The following SRP54 variants were observed in gnomAD, a reference collection of about 807,000 sequenced individuals.
SRP54 encodes the protein signal recognition particle subunit SRP54.
In SRP54, 10 loss-of-function variants were observed where a neutral mutation model predicts 64.8. That is an observed-to-expected ratio of 0.15 (90% confidence interval 0.10 to 0.26). The LOEUF is 0.26. Ranked by LOEUF, SRP54 falls within the 10% of genes least tolerant of loss-of-function variation. SRP54 has a pLI of 1.00. For synonymous variants in SRP54, 193 were observed against 185.6 expected (o/e 1.04, Z -0.32); for missense variants, 325 against 613.7 (o/e 0.53, Z 4.97).
At chr14:35,023,787 A>AACACACACACACACACACACACAC (rs57037784) in intron 14 of SRP54, among the ~76,000 whole-genome samples, 2 of 140,268 alleles carry the variant, frequency 1.4e-5, no homozygotes, top group African/African-American at 5.3e-5. Context: ...CCGGTCCCCA[A>AACACACACACACACACACACACAC]ACACACACAC....
At position 35,029,294 on chromosome 14, in the gene SRP54, T is replaced by C; in HGVS notation, c.*142T>C. 1.9e-6 allele frequency: 1 copy of C among 523,520 alleles called. No individual in the cohort carries two copies. The allele number at this position is 523,520 out of a possible 1,614,324, so 32.4% of individuals were successfully genotyped here. ...CTTTCCTTTTCTTCTCGCCCGCTTT[T>C]CCCCTCCTTTTCTTTTTCCTTCCTT... On this transcript the variant is annotated 3_prime_UTR_variant, in exon 16 of 16. Transcript: ENST00000216774.
At chr14:34,987,763 ATATCT>A (rs1285471804) in intron 1 of SRP54, among the ~76,000 whole-genome samples, 11 of 152,144 alleles carry the variant, frequency 7.2e-5, no homozygotes, top group African/African-American at 1.4e-4. Context: ...TATTTGGATG[ATATCT>A]TATTAAGATT....
At chr14:35,014,290 T>TTTTTG (rs1555354850) in intron 10 of SRP54, among the ~76,000 whole-genome samples, 4 of 127,284 alleles carry the variant, frequency 3.1e-5, no homozygotes, top group African/African-American at 8.8e-5. Context: ...TTTTTTTTTT[T>TTTTTG]TTTTGAGACG....
intron 4 of SRP54, among the ~76,000 whole-genome samples, chr14:35,002,737 CTTTTTTTTTTT>C (rs71121258): frequency 1.1e-5 from 1 of 94,986 alleles, no homozygotes; most frequent in Non-Finnish European, 2.0e-5. Context: ...GCCTGGCCTC[CTTTTTTTTTTT>C]TTTTTTTTTT....
At chr14:35,020,379 CATTG>C (rs996983038) in intron 13 of SRP54, among the ~76,000 whole-genome samples, 3 of 152,062 alleles carry the variant, frequency 2.0e-5, no homozygotes, top group Non-Finnish European at 2.9e-5. Flanking sequence ...AAATTTGCCC[CATTG>C]ATTGACTCTT....
chr14:35,011,209 CTG>C (rs112015113), intron 7 of SRP54, among the ~76,000 whole-genome samples: 25,947 of 151,866 alleles, frequency 0.17, 2,369 homozygotes, highest in East Asian at 0.31. Context: ...GTGTGAAACA[CTG>C]TGAGCATGAG....
At position 34,994,203 on chromosome 14, in the gene SRP54, T is replaced by A. The variant is rs192075043; in HGVS notation, c.-33-2474T>A. Among the ~76,000 whole-genome samples the A allele has an allele frequency of 4.1e-4, 63 of 152,132 alleles. 1 individual carries two copies. The East Asian group carries it at 0.011, about 28-fold the overall frequency. On this transcript the variant is annotated intron_variant, in intron 1 of 15. Coordinates refer to ENST00000216774, the MANE Select transcript of SRP54 (RefSeq NM_003136.4). ...TAGTAGAGATAGGGTTTTGCCATGT[T>A]GGCCAGGCTGGTCTCGAACTCCTGA... is the stretch of plus-strand genomic sequence containing the variant.
intron 1 of SRP54, among the ~76,000 whole-genome samples, chr14:34,985,066 C>G (rs1198043612): frequency 1.3e-5 from 2 of 152,188 alleles, no homozygotes; most frequent in Non-Finnish European, 2.9e-5. Flanking sequence ...AGCAATGGCT[C>G]ACGCCTGTAA....
chr14:34,986,606 G>A (rs922189366), intron 1 of SRP54, among the ~76,000 whole-genome samples: 4 of 152,150 alleles, frequency 2.6e-5, no homozygotes, highest in African/African-American at 2.4e-5. Context: ...ATTGCTGGTC[G>A]TGGTGGCTCA....
At chr14:35,020,599 G>C (rs540250094) in intron 13 of SRP54, among the ~76,000 whole-genome samples, 1 of 152,012 alleles carries the variant, frequency 6.6e-6, no homozygotes, top group Non-Finnish European at 1.5e-5. Context: ...TTTTTTTGTA[G>C]TCTCTTTTTC....
chr14:34,984,826 C>G (rs2043868623), intron 1 of SRP54, among the ~76,000 whole-genome samples: 1 of 152,022 alleles, frequency 6.6e-6, no homozygotes, highest in South Asian at 2.1e-4. Flanking sequence ...TAGCCTCCAT[C>G]TCATGAGTTG....
In SRP54 at chr14:35,007,659, A is replaced by T. The variant is rs901173791; in HGVS notation, c.360+272A>T. 2.9e-5 allele frequency among the ~76,000 whole-genome samples: 3 copies of T among 102,812 alleles called. No individual in the cohort carries two copies. In the Admixed American group the frequency reaches 3.0e-4, roughly 10 times the overall value. The allele number at this position is 102,812 out of a possible 152,430, so 67.4% of individuals were successfully genotyped here. ...TTATATTATAATAAAATATATTTACATAAAATAGATTTTATTAAAATATAT... is the reference window on the plus strand; with the variant it reads ...TTATATTATAATAAAATATATTTACTTAAAATAGATTTTATTAAAATATAT... On this transcript the variant is annotated intron_variant, in intron 5 of 15. Coordinates refer to ENST00000216774, the MANE Select transcript of SRP54 (RefSeq NM_003136.4).
intron 13 of SRP54, among the ~76,000 whole-genome samples, chr14:35,020,697 A>G (rs1288865492): frequency 3.3e-5 from 5 of 152,198 alleles, no homozygotes; most frequent in Non-Finnish European, 7.3e-5. Context: ...TAACACTGCA[A>G]AAATGTTTGC....
chr14:35,003,933 A>AAAATAAAT (rs61509012), intron 4 of SRP54, among the ~76,000 whole-genome samples: 9 of 147,838 alleles, frequency 6.1e-5, no homozygotes, highest in Non-Finnish European at 1.0e-4. Flanking sequence ...GACCTGTCTC[A>AAAATAAAT]AAATAAATAA....
intron 1 of SRP54, among the ~76,000 whole-genome samples, chr14:34,994,340 G>A (rs1278857419): frequency 6.6e-6 from 1 of 152,122 alleles, no homozygotes; most frequent in Non-Finnish European, 1.5e-5. Flanking sequence ...TCTGTAGAAG[G>A]GATCTAGTCT....
chr14:35,011,132 C>T (rs556702182), intron 7 of SRP54, among the ~76,000 whole-genome samples: 4 of 152,010 alleles, frequency 2.6e-5, no homozygotes, highest in Admixed American at 2.0e-4. Flanking sequence ...CTATATTGCT[C>T]AGGCTTGTTA....
rs2044559378 is a variant in SRP54, at chr14:35,022,992, A to G, written c.1239A>G (p.Ser413=). 1.2e-6 allele frequency: 2 copies of G among 1,613,966 alleles called. No homozygotes were observed. The highest frequency in any genetic ancestry group is 2.7e-5 in the African/African-American group (2 of 74,936). Residue 413 remains serine, a synonymous_variant, in exon 14 of 16, where the codon TCA becomes TCG. Coordinates refer to ENST00000216774, the MANE Select transcript of SRP54 (RefSeq NM_003136.4). The part of the protein sequence containing the change: ...IQRVARGSGV[S]TRDVQELLTQ... Reference sequence around the variant, plus strand: ...GAGTAGCAAGAGGATCGGGTGTATCAACAAGAGATGTTCAAGAACTTTTGA... The same window carrying G: ...GAGTAGCAAGAGGATCGGGTGTATCGACAAGAGATGTTCAAGAACTTTTGA...
At chr14:35,013,525 C>T in intron 9 of SRP54, 31 bp downstream of exon 9, 1 of 1,604,194 alleles carries the variant, frequency 6.2e-7, no homozygotes, top group Non-Finnish European at 8.5e-7. Flanking sequence ...TGTCCTCTGT[C>T]TTGGGATTAT....
intron 1 of SRP54, among the ~76,000 whole-genome samples, chr14:34,989,090 A>G (rs2043947306): frequency 1.3e-5 from 2 of 152,192 alleles, no homozygotes. Flanking sequence ...GGTTGAATCC[A>G]TGGTTGTGAA....
Sources: allele counts gnomAD v4.1 joint callset (sites outside exome capture counted in the v4.1 genomes callset), GRCh38; gene constraint gnomAD v4.1.1; transcripts MANE v1.5; gene names NCBI Gene and HGNC (gene_info 2026-07-23, HGNC 2026-07-21).